NPSR1: variants seen among roughly 807,000 people sequenced by gnomAD.
NPSR1 encodes the protein neuropeptide S receptor 1.
A neutral mutation model predicts 46.9 loss-of-function variants in NPSR1; 48 were observed. The observed-to-expected ratio is 1.02, with a 90% CI of 0.81 to 1.30. The LOEUF (loss-of-function observed/expected upper bound fraction) is 1.30, where lower values mean the gene tolerates loss of function less well. NPSR1 is among the 50% of genes most tolerant of loss of function. NPSR1 has a pLI of 0.00. For missense variants in NPSR1, 450 were observed against 449.5 expected, an observed-to-expected ratio of 1.00 and a Z score of -0.01; for synonymous variants, 176 against 168.1, an observed-to-expected ratio of 1.05 and a Z score of -0.36.
intron 2 of NPSR1, among the ~76,000 whole-genome samples, chr7:34,749,097 G>A (rs568851877): frequency 6.2e-4 from 94 of 152,180 alleles, no homozygotes; most frequent in African/African-American, 2.2e-3. Context: ...CCCCTGAATG[G>A]TCTCTTCTCC....
At chr7:34,755,501 T>C (rs1247041838) in intron 2 of NPSR1, among the ~76,000 whole-genome samples, 4 of 152,236 alleles carry the variant, frequency 2.6e-5, no homozygotes, top group African/African-American at 7.2e-5. Flanking sequence ...GACAGTTTAC[T>C]ATCCTTATTG....
intron 8 of NPSR1, among the ~76,000 whole-genome samples, chr7:34,875,350 A>T (rs1791550135): frequency 6.6e-6 from 1 of 152,226 alleles, no homozygotes; most frequent in Admixed American, 6.5e-5. Context: ...TTTTAAAAAG[A>T]TCCCCAGATG....
chr7:34,827,651 G>GGGGGGGGGGGGGGGT, intron 5 of NPSR1, 49 bp downstream of exon 5: 1 of 613,364 alleles, frequency 1.6e-6, no homozygotes, highest in Non-Finnish European at 2.9e-6. Flanking sequence ...GGCGGGGGGG[G>GGGGGGGGGGGGGGGT]CTTTCCTGTT....
chr7:34,849,666 A>T lies in NPSR1; in HGVS notation c.*11A>T. On this transcript the variant is annotated 3_prime_UTR_variant, in exon 9 of 9. Coordinates refer to ENST00000360581, the MANE Select transcript of NPSR1 (RefSeq NM_207172.2). ...CCAGAATTCATCTAGACCCTAGGGC[A>T]GTGCCAGTGCTAGGCTGAGCACCAT... is the stretch of plus-strand genomic sequence containing the variant. The T allele has an allele frequency of 1.2e-6, 2 of 1,613,910 alleles. No homozygotes were observed. The highest frequency in any genetic ancestry group is 1.7e-6 in the Non-Finnish European group (2 of 1,179,930).
intron 2 of NPSR1, among the ~76,000 whole-genome samples, chr7:34,745,307 G>C (rs1317132168): frequency 6.6e-6 from 1 of 151,974 alleles, no homozygotes; most frequent in African/African-American, 2.4e-5. Flanking sequence ...TGCTTTTTGA[G>C]TAATTTATTT....
chr7:34,845,516 T>A (rs963785400), intron 7 of NPSR1: 3 of 453,386 alleles, frequency 6.6e-6, no homozygotes, highest in African/African-American at 4.0e-5. Context: ...AATGCTCTGC[T>A]CTCCGGTGGT....
At chr7:34,781,630 G>T (rs575000943) in intron 3 of NPSR1, among the ~76,000 whole-genome samples, 1 of 152,112 alleles carries the variant, frequency 6.6e-6, no homozygotes, top group Non-Finnish European at 1.5e-5. Flanking sequence ...AACCCCAGAG[G>T]GGGAGATGTG....
chr7:34,854,915 C>T (rs117445583), downstream of NPSR1, among the ~76,000 whole-genome samples: 14 of 151,082 alleles, frequency 9.3e-5, no homozygotes, highest in East Asian at 1.8e-3. Flanking sequence ...AACACTTCCA[C>T]GAGATTGAAT....
intron 2 of NPSR1, among the ~76,000 whole-genome samples, chr7:34,732,322 C>T (rs79471389): frequency 0.011 from 1,676 of 152,226 alleles, 33 homozygotes; most frequent in African/African-American, 0.038. Context: ...GTACCTTCTG[C>T]AAGAGGGGCC....
intron 2 of NPSR1, among the ~76,000 whole-genome samples, chr7:34,707,015 G>T (rs1794146724): frequency 6.6e-6 from 1 of 151,944 alleles, no homozygotes; most frequent in Non-Finnish European, 1.5e-5. Context: ...AAATGGCATT[G>T]TCCTATCGCT....
downstream of NPSR1, among the ~76,000 whole-genome samples, chr7:34,850,911 C>T (rs1456091046): frequency 5.9e-5 from 9 of 152,270 alleles, no homozygotes; most frequent in African/African-American, 1.4e-4. Context: ...TCTAGCACCT[C>T]GGCCAGGAAG....
chr7:34,724,927 A>G (rs1324506644), intron 2 of NPSR1, among the ~76,000 whole-genome samples: 3 of 152,182 alleles, frequency 2.0e-5, no homozygotes, highest in Non-Finnish European at 4.4e-5. Flanking sequence ...ATTAAATAAA[A>G]CCGCAAATGT....
chr7:34,681,036 T>C (rs977454189), intron 1 of NPSR1, among the ~76,000 whole-genome samples: 102 of 152,012 alleles, frequency 6.7e-4, no homozygotes, highest in African/African-American at 2.4e-3. Flanking sequence ...GCACTTTTTA[T>C]GTTGTATATT....
chr7:34,696,077 A>AT (rs748603944), intron 2 of NPSR1, among the ~76,000 whole-genome samples: 191 of 96,690 alleles, frequency 2.0e-3, no homozygotes, highest in Middle Eastern at 5.3e-3. Context: ...GGTTGATTTG[A>AT]TAAAAAAAAA....
At chr7:34,869,925 G>A (rs879521736) in intron 8 of NPSR1, among the ~76,000 whole-genome samples, 1 of 151,754 alleles carries the variant, frequency 6.6e-6, no homozygotes, top group Non-Finnish European at 1.5e-5. Flanking sequence ...ACCTGGGTGG[G>A]AATATTTACA....
rs762092370 is a variant in NPSR1 at position 34,778,534 on chromosome 7, A to G, written c.353A>G (p.Asp118Gly). ...TTCACTGGAGACTTCACGGCACCTGACCTGGTTTGCCGAGTGGTCCGCTAT... is the reference window on the plus strand; with the variant it reads ...TTCACTGGAGACTTCACGGCACCTGGCCTGGTTTGCCGAGTGGTCCGCTAT... Reference protein sequence around the residue: ...WRFTGDFTAPDLVCRVVRYLQ... With the variant: ...WRFTGDFTAPGLVCRVVRYLQ... Residue 118 changes from aspartate to glycine, a missense_variant, in exon 3 of 9, where the codon GAC becomes GGC. Coordinates refer to ENST00000360581, the MANE Select transcript of NPSR1 (RefSeq NM_207172.2). 1.2e-6 allele frequency: 2 copies of G among 1,612,818 alleles called. No homozygotes were observed. Among genetic ancestry groups the G allele is most frequent in the South Asian group, 2.2e-5 (2 of 91,032 alleles).
intron 2 of NPSR1, among the ~76,000 whole-genome samples, chr7:34,776,159 C>T (rs1241590398): frequency 6.6e-6 from 1 of 151,998 alleles, no homozygotes; most frequent in Non-Finnish European, 1.5e-5. Context: ...AACATATAGT[C>T]TACTCTTGAG....
chr7:34,766,499 A>G (rs993056940), intron 2 of NPSR1, among the ~76,000 whole-genome samples: 2 of 152,246 alleles, frequency 1.3e-5, no homozygotes, highest in African/African-American at 4.8e-5. Flanking sequence ...CATTTATACA[A>G]TTTAAAACTA....
intron 1 of NPSR1, among the ~76,000 whole-genome samples, chr7:34,670,315 G>T (rs1791986077): frequency 6.6e-6 from 1 of 151,874 alleles, no homozygotes; most frequent in Non-Finnish European, 1.5e-5. Context: ...TAAAGTCCTG[G>T]TACATATATG....
Sources: gnomAD v4.1 joint callset for allele counts (sites outside exome capture counted in the v4.1 genomes callset) on GRCh38, gnomAD v4.1.1 for gene constraint, MANE v1.5 for transcripts, NCBI Gene and HGNC (gene_info 2026-07-23, HGNC 2026-07-21) for gene names.